The following FBXO4 variants were observed in gnomAD, a reference collection of about 807,000 sequenced individuals.
FBXO4 encodes F-box protein 4, also known as F-box only protein 4.
A neutral mutation model predicts 43.7 loss-of-function variants in FBXO4; 36 were observed. That is an observed-to-expected ratio of 0.82 (90% CI 0.63 to 1.09). The LOEUF (loss-of-function observed/expected upper bound fraction) is 1.09. Ranked by LOEUF, FBXO4 falls within the 50% of genes least tolerant of loss-of-function variation. FBXO4 has a pLI of 0.00. For missense variants in FBXO4, 435 were observed against 474.1 expected, an observed-to-expected ratio of 0.92 and a Z score of 0.77; for synonymous variants, 180 against 165.6, an observed-to-expected ratio of 1.09 and a Z score of -0.67.
At chr5:42,015,292 G>T in the FBXO4 span, among the ~76,000 whole-genome samples, 1 of 152,188 alleles carries the variant, frequency 6.6e-6, no homozygotes, top group Admixed American at 6.6e-5. Context: ...GAGTGTGTGT[G>T]TGCACACGCA....
At position 41,941,394 on chromosome 5, in the gene FBXO4, C is replaced by A; in HGVS notation, c.*113C>A. The A allele has an allele frequency of 1.3e-6, 1 of 774,280 alleles. No individual in the cohort carries two copies. Among genetic ancestry groups the A allele is most frequent in the Non-Finnish European group, 2.2e-6 (1 of 447,092 alleles). The allele number at this position is 774,280 out of a possible 1,614,324, so 48.0% of individuals were successfully genotyped here. ...TCCTGCCTTTTTGCAGATAGGCTTT[C>A]ATTTGGACAGCTATAACTGCTGTGT... On this transcript the variant is annotated 3_prime_UTR_variant, in exon 7 of 7. Transcript: ENST00000281623.
chr5:42,008,229 A>G, the FBXO4 span, among the ~76,000 whole-genome samples: 1 of 152,256 alleles, frequency 6.6e-6, no homozygotes, highest in East Asian at 1.9e-4. Context: ...AGGGTGTTCC[A>G]TTATCTTACA....
chr5:41,985,361 G>A, the FBXO4 span, among the ~76,000 whole-genome samples: 183 of 152,178 alleles, frequency 1.2e-3, 1 homozygote, highest in African/African-American at 4.1e-3. Flanking sequence ...ATTTGCTGAT[G>A]GTAAATATTC....
chr5:41,926,615 T>A (rs1182360650), intron 1 of FBXO4, among the ~76,000 whole-genome samples: 3 of 152,194 alleles, frequency 2.0e-5, no homozygotes, highest in Non-Finnish European at 4.4e-5. Context: ...TTTGGTCTGA[T>A]GATAAAATCA....
the FBXO4 span, among the ~76,000 whole-genome samples, chr5:42,031,058 C>T: frequency 1.3e-5 from 2 of 152,156 alleles, no homozygotes; most frequent in African/African-American, 4.8e-5. Context: ...GGCAATTCCT[C>T]AGGGATCTAG....
At chr5:42,019,346 C>T in the FBXO4 span, among the ~76,000 whole-genome samples, 2 of 152,054 alleles carry the variant, frequency 1.3e-5, no homozygotes, top group Non-Finnish European at 2.9e-5. Context: ...GTTAGACGCT[C>T]AAATTAATTT....
At chr5:42,010,445 T>C in the FBXO4 span, among the ~76,000 whole-genome samples, 1 of 151,814 alleles carries the variant, frequency 6.6e-6, no homozygotes, top group East Asian at 1.9e-4. Flanking sequence ...GCAGCAGAGG[T>C]TGTAGTGAGC....
the FBXO4 span, among the ~76,000 whole-genome samples, chr5:41,947,269 A>G: frequency 6.6e-6 from 1 of 152,244 alleles, no homozygotes; most frequent in Non-Finnish European, 1.5e-5. Flanking sequence ...CAATTAAGAG[A>G]TAAAATCACC....
At chr5:41,936,390 C>G (rs184293451) in intron 5 of FBXO4, among the ~76,000 whole-genome samples, 2 of 152,038 alleles carry the variant, frequency 1.3e-5, no homozygotes, top group Non-Finnish European at 2.9e-5. Flanking sequence ...AAAAATTAGC[C>G]AGGCATGGTG....
At chr5:41,967,837 T>C in the FBXO4 span, 1 of 595,116 alleles carries the variant, frequency 1.7e-6, no homozygotes, top group South Asian at 1.4e-5. Context: ...ATTCAATTTA[T>C]TGATTAAATT....
downstream of FBXO4, among the ~76,000 whole-genome samples, chr5:41,944,188 T>A (rs1412091102): frequency 6.6e-6 from 1 of 152,220 alleles, no homozygotes; most frequent in African/African-American, 2.4e-5. Flanking sequence ...CAGGCTGTCA[T>A]TTTGTAGAAA....
At chr5:41,979,623 C>T in the FBXO4 span, among the ~76,000 whole-genome samples, 3 of 152,176 alleles carry the variant, frequency 2.0e-5, no homozygotes, top group Non-Finnish European at 4.4e-5. Flanking sequence ...AAGAGATGAA[C>T]ACAATGGCTT....
chr5:41,943,409 T>C (rs1752032770), downstream of FBXO4, among the ~76,000 whole-genome samples: 1 of 152,120 alleles, frequency 6.6e-6, no homozygotes, highest in Non-Finnish European at 1.5e-5. Flanking sequence ...CCTTAAATTC[T>C]GAATCTCAGT....
chr5:41,926,387 C>G (rs972306362), intron 1 of FBXO4, among the ~76,000 whole-genome samples: 5 of 152,164 alleles, frequency 3.3e-5, no homozygotes, highest in Non-Finnish European at 5.9e-5. Context: ...TCCTGGCTAA[C>G]ACGGTGAAAC....
the FBXO4 span, among the ~76,000 whole-genome samples, chr5:41,969,378 C>G: frequency 6.6e-6 from 1 of 152,088 alleles, no homozygotes; most frequent in Non-Finnish European, 1.5e-5. Flanking sequence ...CTATTCATGC[C>G]GTTCTCCCCA....
the FBXO4 span, among the ~76,000 whole-genome samples, chr5:41,955,749 T>C: frequency 3.9e-5 from 6 of 152,084 alleles, no homozygotes; most frequent in African/African-American, 1.4e-4. Flanking sequence ...GATCAGTGCA[T>C]GAGTAGGAGA....
the FBXO4 span, among the ~76,000 whole-genome samples, chr5:41,971,086 C>A: frequency 6.6e-6 from 1 of 151,766 alleles, no homozygotes; most frequent in African/African-American, 2.4e-5. Flanking sequence ...GAATTTTGAA[C>A]ATAGTCTCAG....
the FBXO4 span, among the ~76,000 whole-genome samples, chr5:41,991,111 CTT>C: frequency 7.2e-5 from 11 of 152,186 alleles, no homozygotes; most frequent in African/African-American, 7.2e-5. Flanking sequence ...ACATCTCACT[CTT>C]ATATCCATAT....
At chr5:41,967,277 GAT>G in the FBXO4 span, 3 of 461,680 alleles carry the variant, frequency 6.5e-6, no homozygotes, top group African/African-American at 4.0e-5. Flanking sequence ...AAACTGGAGT[GAT>G]ATAACTGGCT....
Sources: allele counts gnomAD v4.1 joint callset (sites outside exome capture counted in the v4.1 genomes callset), GRCh38; gene constraint gnomAD v4.1.1; transcripts MANE v1.5; gene names NCBI Gene and HGNC (gene_info 2026-07-23, HGNC 2026-07-21).